GRIK4: variants seen among roughly 807,000 people sequenced by gnomAD.
The protein encoded by GRIK4 is glutamate ionotropic receptor kainate type subunit 4, also known as glutamate receptor ionotropic, kainate 4.
A neutral mutation model predicts 104.9 loss-of-function variants in GRIK4; 40 were observed. The ratio of observed to expected loss-of-function variants is 0.38; its 90% confidence interval spans 0.30 to 0.50. The LOEUF is 0.50. Among genes scored for constraint, GRIK4 ranks in the 20% least tolerant of loss-of-function variants. GRIK4 has a pLI of 0.93. For missense variants in GRIK4, 1,047 were observed against 1,308.1 expected (o/e 0.80, Z 3.08); for synonymous variants, 485 against 524.9 (o/e 0.92, Z 1.04).
At chr11:120,907,195 C>T (rs116286113) in intron 13 of GRIK4, among the ~76,000 whole-genome samples, 1,547 of 152,214 alleles carry the variant, frequency 0.01, 23 homozygotes, top group African/African-American at 0.035. Context: ...CATAGAAAGC[C>T]GAAATGCCAG....
At chr11:120,663,547 A>G (rs1949854423) in intron 3 of GRIK4, among the ~76,000 whole-genome samples, 1 of 152,174 alleles carries the variant, frequency 6.6e-6, no homozygotes, top group Admixed American at 6.5e-5. Flanking sequence ...GACATTAGCA[A>G]ATGTGTTACC....
intron 1 of GRIK4, among the ~76,000 whole-genome samples, chr11:120,630,236 C>A (rs1197349407): frequency 6.6e-6 from 1 of 152,246 alleles, no homozygotes; most frequent in Non-Finnish European, 1.5e-5. Flanking sequence ...AGCAGAAGGC[C>A]CCATGGCCCA....
At position 120,862,078 on chromosome 11, in the gene GRIK4, C is replaced by G; in HGVS notation, c.864C>G (p.Ser288=). 6.2e-7 allele frequency: 1 copy of G among 1,614,184 alleles called. No individual in the cohort carries two copies. Among genetic ancestry groups the G allele is most frequent in the South Asian group, 1.1e-5 (1 of 91,078 alleles). The stretch of plus-strand genomic sequence containing the variant: ...AGTTTGCCCAGAGCCTCAACCAGTC[C>G]TGGCAGGAGAACTGTGACCATGTGC... ...FQEFAQSLNQ[S]WQENCDHVPF... Residue 288 remains serine (S), a synonymous_variant, in exon 9 of 21, where the codon TCC becomes TCG. Transcript: ENST00000527524.
chr11:120,859,912 G>A (rs4526780), intron 8 of GRIK4, among the ~76,000 whole-genome samples: 28,030 of 152,244 alleles, frequency 0.18, 2,853 homozygotes, highest in African/African-American at 0.28. Flanking sequence ...CAGTTTGCAC[G>A]TGTAAGCTAA....
At chr11:120,568,033 CT>C (rs1452570792) in intron 1 of GRIK4, among the ~76,000 whole-genome samples, 1 of 152,128 alleles carries the variant, frequency 6.6e-6, no homozygotes, top group Non-Finnish European at 1.5e-5. Context: ...AAATAATTAG[CT>C]GGGCATGGTG....
chr11:120,722,746 C>T (rs765167958), intron 3 of GRIK4, among the ~76,000 whole-genome samples: 7 of 152,250 alleles, frequency 4.6e-5, no homozygotes, highest in Admixed American at 2.6e-4. Context: ...GGCCCCCTGG[C>T]TACACGTTGC....
chr11:120,738,802 G>A (rs1239105206), intron 3 of GRIK4, among the ~76,000 whole-genome samples: 1 of 152,194 alleles, frequency 6.6e-6, no homozygotes, highest in Non-Finnish European at 1.5e-5. Flanking sequence ...TTCTCCCTGT[G>A]TCTTGTTCGT....
At chr11:120,674,360 T>C (rs1319218549) in intron 3 of GRIK4, among the ~76,000 whole-genome samples, 2 of 152,132 alleles carry the variant, frequency 1.3e-5, no homozygotes, top group East Asian at 3.9e-4. Flanking sequence ...CTGTCCAGTC[T>C]TTGGGTTAAA....
intron 1 of GRIK4, among the ~76,000 whole-genome samples, chr11:120,572,761 CCAGAACTG>C (rs1253046575): frequency 6.6e-6 from 1 of 152,214 alleles, no homozygotes; most frequent in East Asian, 1.9e-4. Context: ...AAACCCTCTC[CCAGAACTG>C]CTAAAGGGAA....
At chr11:120,588,453 A>T (rs1948696112) in intron 1 of GRIK4, among the ~76,000 whole-genome samples, 2 of 152,120 alleles carry the variant, frequency 1.3e-5, no homozygotes, top group Admixed American at 6.5e-5. Flanking sequence ...GGGAGACCGC[A>T]GGCACGACAC....
intron 2 of GRIK4, among the ~76,000 whole-genome samples, chr11:120,655,801 T>C (rs144449265): frequency 9.3e-4 from 141 of 152,170 alleles, no homozygotes; most frequent in African/African-American, 3.4e-3. Context: ...GACTGGTGGA[T>C]TGTGGTGTTA....
At chr11:120,797,103 C>T (rs1049063649) in intron 3 of GRIK4, among the ~76,000 whole-genome samples, 2 of 152,158 alleles carry the variant, frequency 1.3e-5, no homozygotes, top group Non-Finnish European at 2.9e-5. Context: ...ATGCCGGAGG[C>T]ATCTTGAATC....
chr11:120,563,828 T>C (rs1948272013), intron 1 of GRIK4, among the ~76,000 whole-genome samples: 6 of 152,210 alleles, frequency 3.9e-5, no homozygotes, highest in Admixed American at 3.9e-4. Flanking sequence ...GTTTCACTGC[T>C]GTTTGCACCA....
At chr11:120,965,232 G>A (rs1345647217) in intron 18 of GRIK4, among the ~76,000 whole-genome samples, 2 of 152,222 alleles carry the variant, frequency 1.3e-5, no homozygotes, top group Non-Finnish European at 2.9e-5. Flanking sequence ...CAAGGAGTAA[G>A]CAGAATAAGC....
intron 1 of GRIK4, among the ~76,000 whole-genome samples, chr11:120,621,099 A>G (rs1949182293): frequency 6.6e-6 from 1 of 152,236 alleles, no homozygotes; most frequent in Admixed American, 6.5e-5. Flanking sequence ...CCCTGGTCAC[A>G]GCTTGTCACA....
intron 3 of GRIK4, among the ~76,000 whole-genome samples, chr11:120,680,330 G>A (rs1174923589): frequency 2.3e-5 from 3 of 132,442 alleles, no homozygotes; most frequent in African/African-American, 8.0e-5. Flanking sequence ...AACCTGCCCC[G>A]GCCTCCCTAA....
At chr11:120,710,298 C>G (rs967687437) in intron 3 of GRIK4, among the ~76,000 whole-genome samples, 2 of 152,084 alleles carry the variant, frequency 1.3e-5, no homozygotes, top group Admixed American at 1.3e-4. Flanking sequence ...TATAATTTGC[C>G]AGATGAGAAA....
intron 1 of GRIK4, among the ~76,000 whole-genome samples, chr11:120,615,397 C>T (rs1020394592): frequency 1.3e-5 from 2 of 152,192 alleles, no homozygotes; most frequent in Non-Finnish European, 1.5e-5. Context: ...CAACTAAAAG[C>T]CTGTTAATTA....
At chr11:120,671,549 T>C (rs932292374) in intron 3 of GRIK4, among the ~76,000 whole-genome samples, 7 of 152,360 alleles carry the variant, frequency 4.6e-5, no homozygotes, top group Non-Finnish European at 1.0e-4. Flanking sequence ...TCTGTTCATA[T>C]CCTTTGCCCA....
Sources: gnomAD v4.1 joint callset for allele counts (sites outside exome capture counted in the v4.1 genomes callset) on GRCh38, gnomAD v4.1.1 for gene constraint, MANE v1.5 for transcripts, NCBI Gene and HGNC (gene_info 2026-07-23, HGNC 2026-07-21) for gene names.